Variants in GRIK1 observed in about 807,000 individuals in gnomAD.
GRIK1 encodes glutamate receptor ionotropic, kainate 1.
Under a neutral mutation model 105.7 loss-of-function variants are expected in GRIK1, and 69 were observed. That is an observed-to-expected ratio of 0.65 (90% CI 0.54 to 0.80). The LOEUF (loss-of-function observed/expected upper bound fraction) is 0.80. Among genes scored for constraint, GRIK1 ranks in the 30% least tolerant of loss-of-function variants. GRIK1 has a pLI of 0.00. For missense variants in GRIK1, 1,109 were observed against 1,167.3 expected, an observed-to-expected ratio of 0.95 and a Z score of 0.73; for synonymous variants, 438 against 431.3, an observed-to-expected ratio of 1.02 and a Z score of -0.19.
chr21:29,780,790 A>G (rs2066075612), intron 1 of GRIK1, among the ~76,000 whole-genome samples: 1 of 152,204 alleles, frequency 6.6e-6, no homozygotes, highest in Admixed American at 6.5e-5. Context: ...ATATTTTGTA[A>G]CTAAATCACT....
chr21:29,874,496 C>T (rs2069124510), intron 1 of GRIK1, among the ~76,000 whole-genome samples: 1 of 152,110 alleles, frequency 6.6e-6, no homozygotes, highest in Admixed American at 6.6e-5. Context: ...GAACAAAATG[C>T]GAACAATGGA....
intron 3 of GRIK1, among the ~76,000 whole-genome samples, chr21:29,681,520 C>T (rs1395335217): frequency 6.6e-6 from 1 of 152,194 alleles, no homozygotes; most frequent in Non-Finnish European, 1.5e-5. Context: ...TCTCACAGAA[C>T]GTGGTTCACT....
intron 1 of GRIK1, among the ~76,000 whole-genome samples, chr21:29,899,426 C>T (rs896965904): frequency 6.6e-6 from 1 of 152,156 alleles, no homozygotes; most frequent in African/African-American, 2.4e-5. Context: ...TAAATCCAGT[C>T]CTTCAAAGTT....
At chr21:29,693,769 C>T in intron 2 of GRIK1, 127 bp downstream of exon 2, 1 of 689,888 alleles carries the variant, frequency 1.4e-6, no homozygotes, top group South Asian at 1.8e-5. Context: ...ACATCGAAGA[C>T]CCAGATTTCC....
At chr21:29,607,846 T>C (rs1038451777) in intron 7 of GRIK1, among the ~76,000 whole-genome samples, 2 of 152,180 alleles carry the variant, frequency 1.3e-5, no homozygotes, top group Admixed American at 1.3e-4. Flanking sequence ...ATGTTTAAAA[T>C]GAAGATTTAA....
At chr21:29,543,346 CCTAT>C (rs776811804) in intron 16 of GRIK1, among the ~76,000 whole-genome samples, 41 of 152,256 alleles carry the variant, frequency 2.7e-4, no homozygotes, top group African/African-American at 8.4e-4. Flanking sequence ...AGTCTGGTCA[CCTAT>C]CTGTCCACAG....
rs1438057761 is a variant in GRIK1 at position 29,846,463 on chromosome 21, G to GAAAA, written c.118+92919_118+92920insTTTT. 3.6e-4 allele frequency among the ~76,000 whole-genome samples: 46 copies of GAAAA among 127,908 alleles called. 2 individuals are homozygous for GAAAA. Among genetic ancestry groups the GAAAA allele is most frequent in the Non-Finnish European group, 5.8e-4 (36 of 62,284 alleles). 83.9% of individuals were successfully genotyped at this position (127,908 alleles called of 152,430 possible). A position where few individuals can be genotyped will look rare whatever the true frequency, so the allele number is the denominator to read the frequency against. On this transcript the variant is annotated intron_variant, in intron 1 of 17. Coordinates refer to ENST00000327783, the MANE Select transcript of GRIK1 (RefSeq NM_001330994.2). Reference sequence around the variant, plus strand: ...AAAGAAGGAAAGAAGGAAAGAGAGAGAGAAAGAAAGAAAGAAAGAAAGAAA... The same window carrying GAAAA: ...AAAGAAGGAAAGAAGGAAAGAGAGAGAAAAAGAAAGAAAGAAAGAAAGAAAGAAA...
At chr21:29,788,331 A>G (rs1294728801) in intron 1 of GRIK1, among the ~76,000 whole-genome samples, 3 of 152,202 alleles carry the variant, frequency 2.0e-5, no homozygotes, top group South Asian at 2.1e-4. Flanking sequence ...ACCCAACGCC[A>G]TGTGGTATCT....
At chr21:29,861,496 C>T (rs1284100090) in intron 1 of GRIK1, among the ~76,000 whole-genome samples, 1 of 151,876 alleles carries the variant, frequency 6.6e-6, no homozygotes, top group Non-Finnish European at 1.5e-5. Flanking sequence ...TTTGTAGAGA[C>T]AGGGTTTTGT....
chr21:29,797,860 A>G (rs1411953809), intron 1 of GRIK1, among the ~76,000 whole-genome samples: 1 of 152,172 alleles, frequency 6.6e-6, no homozygotes, highest in African/African-American at 2.4e-5. Context: ...GCAATGCCCA[A>G]TCATCCCTTT....
intron 1 of GRIK1, among the ~76,000 whole-genome samples, chr21:29,828,567 T>C (rs915758316): frequency 6.6e-6 from 1 of 152,064 alleles, no homozygotes; most frequent in South Asian, 2.1e-4. Flanking sequence ...AGTGGCAGGA[T>C]CTTGGTTTAT....
intron 1 of GRIK1, among the ~76,000 whole-genome samples, chr21:29,889,289 T>C (rs2069802317): frequency 6.6e-6 from 1 of 152,120 alleles, no homozygotes; most frequent in Non-Finnish European, 1.5e-5. Context: ...TTTATACACA[T>C]TTTTAACATA....
At chr21:29,884,404 A>G (rs1334825588) in intron 1 of GRIK1, among the ~76,000 whole-genome samples, 2 of 152,170 alleles carry the variant, frequency 1.3e-5, no homozygotes, top group East Asian at 3.9e-4. Context: ...CAAGAGGAAG[A>G]ACAGGTTGGT....
chr21:29,920,839 T>C (rs1288294186), intron 1 of GRIK1, among the ~76,000 whole-genome samples: 2 of 151,440 alleles, frequency 1.3e-5, no homozygotes, highest in African/African-American at 4.9e-5. Flanking sequence ...GGAAGTGTTA[T>C]CAAAAGTGTT....
chr21:29,560,566 T>TCTCTC (rs2090448048), intron 15 of GRIK1, among the ~76,000 whole-genome samples: 1 of 121,576 alleles, frequency 8.2e-6, no homozygotes, highest in African/African-American at 4.2e-5. Context: ...CTTTCTTTCT[T>TCTCTC]TCTTTCTTTC....
intron 4 of GRIK1, among the ~76,000 whole-genome samples, chr21:29,671,311 G>A (rs1277063142): frequency 2.6e-5 from 4 of 151,864 alleles, no homozygotes; most frequent in African/African-American, 4.8e-5. Context: ...TTTTAGTAGA[G>A]ACAGGGTTTC....
chr21:29,811,344 G>A (rs188131685), intron 1 of GRIK1, among the ~76,000 whole-genome samples: 50 of 152,146 alleles, frequency 3.3e-4, no homozygotes, highest in African/African-American at 1.1e-3. Flanking sequence ...TCGTTAATGA[G>A]CATATTGATA....
chr21:29,858,502 C>T (rs1889534302), intron 1 of GRIK1, among the ~76,000 whole-genome samples: 1 of 152,134 alleles, frequency 6.6e-6, no homozygotes, highest in African/African-American at 2.4e-5. Context: ...CCTATGGGGA[C>T]CCAGGTATTT....
intron 1 of GRIK1, among the ~76,000 whole-genome samples, chr21:29,789,188 T>C (rs1012287975): frequency 6.6e-6 from 1 of 152,206 alleles, no homozygotes; most frequent in African/African-American, 2.4e-5. Context: ...CCCTTCCCCA[T>C]ATGACTTAGA....
Sources: allele counts gnomAD v4.1 joint callset (sites outside exome capture counted in the v4.1 genomes callset), GRCh38; gene constraint gnomAD v4.1.1; transcripts MANE v1.5; gene names NCBI Gene and HGNC (gene_info 2026-07-23, HGNC 2026-07-21).